MEI4: variants seen among roughly 807,000 people sequenced by gnomAD.
MEI4 encodes the protein meiotic double-stranded break formation protein 4.
A neutral mutation model predicts 31.4 loss-of-function variants in MEI4; 27 were observed. The ratio of observed to expected loss-of-function variants is 0.86; its 90% CI spans 0.63 to 1.19. The LOEUF (loss-of-function observed/expected upper bound fraction) is 1.19. MEI4 is among the 50% of genes most tolerant of loss of function. MEI4 has a pLI of 0.00. For synonymous variants in MEI4, 122 were observed against 145.4 expected (o/e 0.84, Z 1.16); for missense variants, 329 against 398.9 (o/e 0.82, Z 1.49).
chr6:77,752,154 C>T (rs2127678291), intron 2 of MEI4, among the ~76,000 whole-genome samples: 3 of 152,268 alleles, frequency 2.0e-5, no homozygotes, highest in Admixed American at 2.0e-4. Flanking sequence ...AAACCCACAG[C>T]CAATATCATA....
intron 4 of MEI4, among the ~76,000 whole-genome samples, chr6:77,883,698 A>G (rs1038045803): frequency 7.6e-6 from 1 of 131,822 alleles, no homozygotes; most frequent in African/African-American, 3.0e-5. Context: ...TATATATGCA[A>G]TGAAATGCTA....
At chr6:77,878,334 T>A (rs1771395204) in intron 4 of MEI4, among the ~76,000 whole-genome samples, 1 of 152,142 alleles carries the variant, frequency 6.6e-6, no homozygotes, top group South Asian at 2.1e-4. Flanking sequence ...GTTAAATAAA[T>A]CATAGGACTT....
intron 4 of MEI4, among the ~76,000 whole-genome samples, chr6:77,852,531 A>G (rs1469466961): frequency 6.6e-6 from 1 of 151,542 alleles, no homozygotes; most frequent in Non-Finnish European, 1.5e-5. Context: ...TAAGTAACCA[A>G]CTTTTATTTT....
At chr6:77,830,389 G>T (rs1179759034) in intron 4 of MEI4, among the ~76,000 whole-genome samples, 4 of 151,966 alleles carry the variant, frequency 2.6e-5, no homozygotes, top group African/African-American at 9.7e-5. Flanking sequence ...TTTAATATTC[G>T]CAATAGCTCC....
intron 4 of MEI4, among the ~76,000 whole-genome samples, chr6:77,904,906 C>T (rs574101912): frequency 6.6e-6 from 1 of 152,064 alleles, no homozygotes; most frequent in African/African-American, 2.4e-5. Flanking sequence ...TTCTTTTAGG[C>T]TTCATACTAA....
chr6:77,895,064 C>G (rs758489396), intron 4 of MEI4, among the ~76,000 whole-genome samples: 1 of 152,162 alleles, frequency 6.6e-6, no homozygotes, highest in Non-Finnish European at 1.5e-5. Flanking sequence ...CAAGCCCTGT[C>G]TTAATTACTA....
chr6:77,804,136 G>C (rs1373411935), intron 3 of MEI4, among the ~76,000 whole-genome samples: 1 of 152,164 alleles, frequency 6.6e-6, no homozygotes, highest in East Asian at 1.9e-4. Flanking sequence ...CGAGCTTCCT[G>C]GTGGCTTTGT....
At chr6:77,798,280 G>A (rs1769138368) in intron 3 of MEI4, among the ~76,000 whole-genome samples, 3 of 150,974 alleles carry the variant, frequency 2.0e-5, no homozygotes, top group Admixed American at 6.6e-5. Flanking sequence ...AAAGCAAAAC[G>A]GCAGGTCTAA....
chr6:77,738,858 C>G (rs6923021), intron 2 of MEI4, among the ~76,000 whole-genome samples: 1 of 151,970 alleles, frequency 6.6e-6, no homozygotes. Flanking sequence ...TGAGCTTTTT[C>G]TCATATGTTT....
chr6:77,887,943 C>T (rs562593181), intron 4 of MEI4, among the ~76,000 whole-genome samples: 176 of 152,224 alleles, frequency 1.2e-3, no homozygotes, highest in African/African-American at 4.1e-3. Context: ...TATCTGGATG[C>T]TTCAGTGTTG....
At chr6:77,729,462 G>A (rs12189812) in intron 2 of MEI4, among the ~76,000 whole-genome samples, 25,778 of 152,174 alleles carry the variant, frequency 0.17, 2,782 homozygotes, top group Non-Finnish European at 0.23. Flanking sequence ...TTTGGCATAG[G>A]ATGTGGGTTA....
At chr6:77,731,386 GA>G (rs1766986800) in intron 2 of MEI4, among the ~76,000 whole-genome samples, 1 of 151,076 alleles carries the variant, frequency 6.6e-6, no homozygotes, top group African/African-American at 2.4e-5. Context: ...CAGTGATGGT[GA>G]GCATTTTTTC....
At chr6:77,828,621 T>C (rs1237030929) in intron 3 of MEI4, among the ~76,000 whole-genome samples, 2 of 152,142 alleles carry the variant, frequency 1.3e-5, no homozygotes, top group African/African-American at 4.8e-5. Flanking sequence ...AGAGCTTAAG[T>C]ATCTTGATTT....
At chr6:77,848,082 T>C (rs976925691) in intron 4 of MEI4, among the ~76,000 whole-genome samples, 2 of 152,228 alleles carry the variant, frequency 1.3e-5, no homozygotes, top group Non-Finnish European at 2.9e-5. Context: ...ATGTGAGTTA[T>C]GCATGGCACA....
At chr6:77,758,569 A>G (rs1342248423) in intron 2 of MEI4, among the ~76,000 whole-genome samples, 2 of 152,208 alleles carry the variant, frequency 1.3e-5, no homozygotes, top group Non-Finnish European at 2.9e-5. Context: ...TATTACTGTC[A>G]GGTGAAATCT....
intron 4 of MEI4, among the ~76,000 whole-genome samples, chr6:77,884,623 A>G (rs1262118830): frequency 3.3e-5 from 5 of 151,980 alleles, no homozygotes; most frequent in Admixed American, 1.3e-4. Context: ...CTTTTCCCCA[A>G]TGTGTGTTTC....
At chr6:77,825,696 C>T (rs1201423039) in intron 3 of MEI4, among the ~76,000 whole-genome samples, 1 of 152,126 alleles carries the variant, frequency 6.6e-6, no homozygotes, top group Non-Finnish European at 1.5e-5. Flanking sequence ...TAAGTAGATA[C>T]AACATATATA....
chr6:77,750,688 A>G (rs1767747187), intron 2 of MEI4, among the ~76,000 whole-genome samples: 1 of 152,134 alleles, frequency 6.6e-6, no homozygotes, highest in Admixed American at 6.5e-5. Flanking sequence ...TCAACACCCC[A>G]CTGTCAACAT....
chr6:77,677,353 G>T (rs1768863556), intron 1 of MEI4, among the ~76,000 whole-genome samples: 1 of 152,052 alleles, frequency 6.6e-6, no homozygotes. Flanking sequence ...AAGAAACGTG[G>T]CACTAGCTGG....
Sources: gnomAD v4.1 joint callset for allele counts (sites outside exome capture counted in the v4.1 genomes callset) on GRCh38, gnomAD v4.1.1 for gene constraint, MANE v1.5 for transcripts, NCBI Gene and HGNC (gene_info 2026-07-23, HGNC 2026-07-21) for gene names.